EHBP1: variants seen among roughly 807,000 people sequenced by gnomAD.
EHBP1 encodes the protein EH domain binding protein 1, also known as EH domain-binding protein 1.
EHBP1 carries 55 observed loss-of-function variants against 144.0 expected under a neutral mutation model. The observed-to-expected ratio is 0.38, with a 90% CI of 0.31 to 0.48. The LOEUF is 0.48. Ranked by LOEUF, EHBP1 falls within the 20% of genes least tolerant of loss-of-function variation. EHBP1 has a pLI of 0.98. For synonymous variants in EHBP1, 469 were observed against 472.7 expected, an observed-to-expected ratio of 0.99 and a Z score of 0.10; for missense variants, 1,200 against 1,364.2, an observed-to-expected ratio of 0.88 and a Z score of 1.90.
intron 10 of EHBP1, among the ~76,000 whole-genome samples, chr2:62,901,240 T>A (rs2053387266): frequency 6.6e-6 from 1 of 152,196 alleles, no homozygotes; most frequent in South Asian, 2.1e-4. Context: ...CTCATAAATC[T>A]TTCTTTAGTT....
chr2:62,719,724 A>G (rs1477861870), intron 2 of EHBP1, among the ~76,000 whole-genome samples: 2 of 152,252 alleles, frequency 1.3e-5, no homozygotes, highest in African/African-American at 4.8e-5. Flanking sequence ...TTTACATAGC[A>G]TTTACATTGT....
chr2:62,828,821 A>G (rs1405748560), intron 6 of EHBP1, among the ~76,000 whole-genome samples: 3 of 152,240 alleles, frequency 2.0e-5, no homozygotes, highest in Non-Finnish European at 4.4e-5. Flanking sequence ...TCAGGAAACC[A>G]TACTTTAATT....
At chr2:62,734,577 A>G (rs893092300) in intron 2 of EHBP1, among the ~76,000 whole-genome samples, 3 of 152,198 alleles carry the variant, frequency 2.0e-5, no homozygotes, top group African/African-American at 7.2e-5. Context: ...TGGAAAACAT[A>G]CAATTGGGTC....
Position 62,754,241 on chromosome 2 carries a change from A to G in EHBP1, c.162+6789A>G, listed in dbSNP as rs2040045539. On this transcript the variant is annotated intron_variant, in intron 3 of 22. Transcript: ENST00000431489. ...GGACCCTCAGCTGTAGGTCTGTTGG[A>G]GTTTGCTGGAGGTCCACTCCAGACC... is the stretch of plus-strand genomic sequence containing the variant. Among the ~76,000 whole-genome samples, 4 of 151,970 alleles carry G rather than the reference A, an allele frequency of 2.6e-5. No individual in the cohort carries two copies. In the South Asian group the frequency reaches 8.3e-4, roughly 32 times the overall value.
At chr2:62,983,449 A>G (rs1014778958) in intron 15 of EHBP1, among the ~76,000 whole-genome samples, 2 of 152,084 alleles carry the variant, frequency 1.3e-5, no homozygotes, top group African/African-American at 4.8e-5. Context: ...TATATTATAT[A>G]TGATACATAT....
chr2:62,691,636 A>G (rs1204323770), intron 1 of EHBP1, among the ~76,000 whole-genome samples: 1 of 152,208 alleles, frequency 6.6e-6, no homozygotes, highest in Non-Finnish European at 1.5e-5. Flanking sequence ...CCTCAACTGA[A>G]AATCCTCTAA....
At chr2:62,937,092 G>T (rs1234542562) in intron 10 of EHBP1, among the ~76,000 whole-genome samples, 1 of 152,208 alleles carries the variant, frequency 6.6e-6, no homozygotes, top group Non-Finnish European at 1.5e-5. Flanking sequence ...AATTGTTTGG[G>T]TTAATTGCCT....
intron 10 of EHBP1, chr2:62,940,167 C>A: frequency 5.3e-6 from 2 of 374,298 alleles, no homozygotes; most frequent in South Asian, 4.7e-5. Flanking sequence ...TGGAATCACT[C>A]CCAGAAGAGC....
At chr2:62,973,597 T>C (rs1261804842) in intron 14 of EHBP1, among the ~76,000 whole-genome samples, 5 of 152,166 alleles carry the variant, frequency 3.3e-5, no homozygotes, top group Non-Finnish European at 5.9e-5. Context: ...ATTATGCACA[T>C]AAAGCACATA....
At chr2:62,817,236 A>C (rs1042161767) in intron 5 of EHBP1, among the ~76,000 whole-genome samples, 3 of 152,160 alleles carry the variant, frequency 2.0e-5, no homozygotes, top group Non-Finnish European at 4.4e-5. Context: ...GGAATATGAA[A>C]TGTGTATTGG....
intron 16 of EHBP1, among the ~76,000 whole-genome samples, chr2:62,992,408 G>A (rs2059450759): frequency 6.6e-6 from 1 of 151,978 alleles, no homozygotes; most frequent in African/African-American, 2.4e-5. Flanking sequence ...TATCTGTATA[G>A]ATAAAATTGG....
At position 62,765,133 on chromosome 2, in the gene EHBP1, A is replaced by G. The variant is rs1382892265; in HGVS notation, c.258+772A>G. 2.0e-5 allele frequency among the ~76,000 whole-genome samples: 3 copies of G among 152,290 alleles called. No individual in the cohort carries two copies. In the East Asian group the frequency reaches 5.8e-4, roughly 29 times the overall value. On this transcript the variant is annotated intron_variant, in intron 4 of 22. Coordinates refer to ENST00000431489, the MANE Select transcript of EHBP1 (RefSeq NM_001142616.3). ...AAAAAAGGCTTAATTGAATTACGCT[A>G]GAAGCAATTCTCATTACAAATGTTT... is the stretch of plus-strand genomic sequence containing the variant.
At chr2:63,026,524 A>G (rs2060992117) in intron 19 of EHBP1, among the ~76,000 whole-genome samples, 2 of 152,156 alleles carry the variant, frequency 1.3e-5, no homozygotes, top group South Asian at 4.1e-4. Flanking sequence ...AGATGAGGAA[A>G]CTGAGTCTTA....
chr2:62,789,705 T>C (rs1406922596), intron 5 of EHBP1, among the ~76,000 whole-genome samples: 1 of 152,222 alleles, frequency 6.6e-6, no homozygotes, highest in Non-Finnish European at 1.5e-5. Context: ...GGCAGTCTCA[T>C]ACCCAATGCT....
intron 15 of EHBP1, among the ~76,000 whole-genome samples, chr2:62,988,250 T>A (rs192693738): frequency 3.3e-5 from 5 of 152,252 alleles, no homozygotes; most frequent in Admixed American, 3.3e-4. Flanking sequence ...AATAGCAAAT[T>A]GTAGTTTGTG....
At position 63,037,622 on chromosome 2, in the gene EHBP1, A is replaced by G; in HGVS notation, c.3191A>G (p.Gln1064Arg). 1 of 1,590,568 alleles carries G rather than the reference A, an allele frequency of 6.3e-7. No individual in the cohort carries two copies. The highest frequency in any genetic ancestry group is 8.6e-7 in the Non-Finnish European group (1 of 1,163,362). The change falls in exon 20 of 23, where the codon CAG becomes CGG. Residue 1064 changes from glutamine to arginine, a missense_variant. Gln to Arg is a conservative substitution (Grantham distance 43). Around this residue, in one of 6 missense-constraint regions of EHBP1, gnomAD observed 149 missense variants for 217.0 expected, o/e 0.69. Coordinates refer to ENST00000431489, the MANE Select transcript of EHBP1 (RefSeq NM_001142616.3). ...AATGCCTTAATAAGGAGAATGAATC[A>G]GCTCTCTCTTCTGTAAGTACTCATC... ...KKNALIRRMN[Q>R]LSLLEKEHDL...
At chr2:62,753,901 T>G (rs188586304) in intron 3 of EHBP1, among the ~76,000 whole-genome samples, 1 of 152,196 alleles carries the variant, frequency 6.6e-6, no homozygotes, top group Non-Finnish European at 1.5e-5. Flanking sequence ...CGTCTAATCT[T>G]TCTTCAAAGT....
At chr2:62,894,679 A>G (rs2052734934) in intron 10 of EHBP1, among the ~76,000 whole-genome samples, 1 of 152,144 alleles carries the variant, frequency 6.6e-6, no homozygotes, top group Non-Finnish European at 1.5e-5. Context: ...ATTGCTAAGA[A>G]ATTTGGACTT....
chr2:62,901,991 T>C (rs2053454203), intron 10 of EHBP1, among the ~76,000 whole-genome samples: 1 of 151,358 alleles, frequency 6.6e-6, no homozygotes, highest in Non-Finnish European at 1.5e-5. Context: ...AATTCAGCAA[T>C]GTACTACCAA....
Sources: gnomAD v4.1 joint callset for allele counts (sites outside exome capture counted in the v4.1 genomes callset) on GRCh38, gnomAD v4.1.1 for gene constraint, gnomAD v4.1.1 regional missense constraint, MANE v1.5 for transcripts, NCBI Gene and HGNC (gene_info 2026-07-23, HGNC 2026-07-21) for gene names.